Variants in RCL1 observed in about 807,000 individuals in gnomAD.
RCL1 encodes RNA 3'-terminal phosphate cyclase-like protein.
In RCL1, 24 loss-of-function variants were observed where a neutral mutation model predicts 42.4. That is an observed-to-expected ratio of 0.57 (90% CI 0.41 to 0.80). The LOEUF is 0.80. RCL1 is among the 30% of genes least tolerant of loss of function. The pLI, the probability that RCL1 is intolerant of heterozygous loss-of-function variation, is 0.00. For synonymous variants in RCL1, 228 were observed against 177.3 expected, an observed-to-expected ratio of 1.29 and a Z score of -2.27; for missense variants, 578 against 467.9, an observed-to-expected ratio of 1.24 and a Z score of -2.17.
chr9:4,795,993 C>T (rs767580145), intron 1 of RCL1, among the ~76,000 whole-genome samples: 1 of 152,096 alleles, frequency 6.6e-6, no homozygotes, highest in Non-Finnish European at 1.5e-5. Context: ...CTGAAAGTTA[C>T]GAAGGAAGGC....
intron 7 of RCL1, among the ~76,000 whole-genome samples, chr9:4,846,274 A>G (rs1475418478): frequency 1.3e-5 from 2 of 152,218 alleles, no homozygotes; most frequent in East Asian, 3.8e-4. Context: ...AATGGAAGAC[A>G]GTGGACCTAT....
At chr9:4,849,655 T>C (rs1400149633) in intron 8 of RCL1, 105 bp downstream of exon 8, 2 of 747,858 alleles carry the variant, frequency 2.7e-6, no homozygotes, top group Non-Finnish European at 4.7e-6. Context: ...TATGAACACC[T>C]GCTTGTGTTT....
chr9:4,818,819 C>G (rs1344869257), intron 1 of RCL1, among the ~76,000 whole-genome samples: 1 of 148,722 alleles, frequency 6.7e-6, no homozygotes, highest in African/African-American at 2.5e-5. Flanking sequence ...TTGTAGTGAG[C>G]TGAGGTCTTG....
chr9:4,794,830 G>C (rs1412254532), intron 1 of RCL1, among the ~76,000 whole-genome samples: 1 of 152,002 alleles, frequency 6.6e-6, no homozygotes, highest in African/African-American at 2.4e-5. Flanking sequence ...TCACACATAT[G>C]AGCTCCCGTT....
chr9:4,848,203 G>T (rs1817585911), intron 7 of RCL1, among the ~76,000 whole-genome samples: 2 of 152,238 alleles, frequency 1.3e-5, no homozygotes, highest in Middle Eastern at 6.8e-3. Context: ...TTTTCTTTTT[G>T]GGTAGAAAAG....
chr9:4,839,893 G>C, intron 5 of RCL1: 2 of 985,666 alleles, frequency 2.0e-6, no homozygotes, highest in Non-Finnish European at 2.4e-6. Flanking sequence ...TTGGGTGCCG[G>C]CTGGAGGGTT....
chr9:4,859,398 C>G (rs925701520), intron 8 of RCL1, among the ~76,000 whole-genome samples: 2 of 152,056 alleles, frequency 1.3e-5, no homozygotes, highest in African/African-American at 4.8e-5. Flanking sequence ...ATTTATTTAT[C>G]TAGTCTCTAT....
At chr9:4,808,714 T>C (rs751423119) in intron 1 of RCL1, among the ~76,000 whole-genome samples, 7 of 152,162 alleles carry the variant, frequency 4.6e-5, no homozygotes, top group Non-Finnish European at 7.4e-5. Context: ...TATAAAAAAC[T>C]TGAAAGGCAG....
chr9:4,816,878 G>A (rs1412590281), intron 1 of RCL1, among the ~76,000 whole-genome samples: 3 of 151,920 alleles, frequency 2.0e-5, no homozygotes, highest in African/African-American at 7.3e-5. Flanking sequence ...GTGCAGTGGC[G>A]CGATCTCGGC....
Position 4,826,706 on chromosome 9 carries a change from T to A in RCL1, c.209-152T>A, listed in dbSNP as rs558488752. 2.0e-4 allele frequency: 135 copies of A among 670,090 alleles called. 1 individual carries two copies. The South Asian group carries it at 2.4e-3, about 12-fold the overall frequency. The allele number at this position is 670,090 out of a possible 1,614,324, so 41.5% of individuals were successfully genotyped here. A position where few individuals can be genotyped will look rare whatever the true frequency, so the allele number is the denominator to read the frequency against. On this transcript the variant is annotated intron_variant, in intron 2 of 8. Transcript: ENST00000381750. ...GGCTTGACAGTAGTGAGTCAGCTTT[T>A]GGAGCGAAGTGTGGGCTCTTAGCAA...
At chr9:4,828,591 C>A (rs1008319810) in intron 3 of RCL1, among the ~76,000 whole-genome samples, 3 of 141,014 alleles carry the variant, frequency 2.1e-5, no homozygotes, top group Admixed American at 1.4e-4. Flanking sequence ...GAAATGAGTT[C>A]TTTGGATAAA....
Position 4,831,508 on chromosome 9 carries a change from A to G in RCL1, c.385-1646A>G, listed in dbSNP as rs192836589. ...TTTTTATTTTTAGAGAGAGGGTCTC[A>G]CTCTGTCTCCCAGGCTGGAGTGCAG... On this transcript the variant is annotated intron_variant, in intron 3 of 8. Transcript: ENST00000381750. Among the ~76,000 whole-genome samples the G allele has an allele frequency of 7.2e-5, 11 of 152,190 alleles. No individual in the cohort carries two copies. The East Asian group carries it at 2.1e-3, about 29-fold the overall frequency.
chr9:4,823,599 G>A lies in RCL1; in HGVS notation c.188G>A (p.Arg63Gln), dbSNP rs115216700. 8.1e-5 allele frequency: 130 copies of A among 1,610,752 alleles called. No individual in the cohort carries two copies. The highest frequency in any genetic ancestry group is 4.6e-4 in the South Asian group (42 of 90,606). ...RLLDKITNGS[R>Q]IEINQTGTTL... is the part of the protein sequence containing the mutation. The stretch of plus-strand genomic sequence containing the variant: ...TTGGACAAAATAACGAATGGTTCTC[G>A]AATTGAAATAAACCAAACAGGTAAG... The change falls in exon 2 of 9, where the codon CGA becomes CAA. Residue 63 changes from arginine to glutamine, a missense_variant. Transcript: ENST00000381750.
chr9:4,859,101 C>T (rs1196708892), intron 8 of RCL1, among the ~76,000 whole-genome samples: 5 of 152,172 alleles, frequency 3.3e-5, no homozygotes, highest in African/African-American at 1.2e-4. Flanking sequence ...GTCTTATGGT[C>T]AGGCTAGCTG....
At chr9:4,839,150 C>T (rs796372647) in intron 5 of RCL1, among the ~76,000 whole-genome samples, 4 of 152,318 alleles carry the variant, frequency 2.6e-5, no homozygotes, top group African/African-American at 9.6e-5. Context: ...CATGCCAAGC[C>T]AGATGGTTCT....
chr9:4,820,108 A>T (rs1315245030), intron 1 of RCL1, among the ~76,000 whole-genome samples: 1 of 152,154 alleles, frequency 6.6e-6, no homozygotes. Context: ...TAGTTTTATA[A>T]CCTAATTATG....
chr9:4,826,437 T>A (rs1816765623), intron 2 of RCL1, among the ~76,000 whole-genome samples: 1 of 148,024 alleles, frequency 6.8e-6, no homozygotes, highest in Non-Finnish European at 1.5e-5. Context: ...GAATGAGGTA[T>A]ATGAGAAATA....
chr9:4,832,057 C>A (rs1451497729), intron 3 of RCL1, among the ~76,000 whole-genome samples: 1 of 152,210 alleles, frequency 6.6e-6, no homozygotes, highest in East Asian at 1.9e-4. Flanking sequence ...GAGTAATTTT[C>A]TTTCCCATGT....
chr9:4,808,904 A>G (rs1284796753), intron 1 of RCL1, among the ~76,000 whole-genome samples: 2 of 152,114 alleles, frequency 1.3e-5, no homozygotes, highest in Admixed American at 1.3e-4. Context: ...TGTTTGGGGG[A>G]ACAACTCTTA....
Sources: gnomAD v4.1 joint callset for allele counts (sites outside exome capture counted in the v4.1 genomes callset) on GRCh38, gnomAD v4.1.1 for gene constraint, MANE v1.5 for transcripts, NCBI Gene and HGNC (gene_info 2026-07-23, HGNC 2026-07-21) for gene names.